TBC1D14: variants seen among roughly 807,000 people sequenced by gnomAD.
TBC1D14 encodes the protein TBC1 domain family member 14, also known as TBC1 domain family, member 14.
Under a neutral mutation model 79.0 loss-of-function variants are expected in TBC1D14, and 26 were observed. The ratio of observed to expected loss-of-function variants is 0.33; its 90% CI spans 0.24 to 0.46. The LOEUF is 0.46. Ranked by LOEUF, TBC1D14 falls within the 20% of genes least tolerant of loss-of-function variation. TBC1D14 has a pLI of 1.00. For synonymous variants in TBC1D14, 394 were observed against 349.9 expected, an observed-to-expected ratio of 1.13 and a Z score of -1.40; for missense variants, 769 against 887.6, an observed-to-expected ratio of 0.87 and a Z score of 1.70.
At chr4:7,016,999 G>C (rs1174178270) in intron 12 of TBC1D14, among the ~76,000 whole-genome samples, 1 of 152,056 alleles carries the variant, frequency 6.6e-6, no homozygotes, top group Non-Finnish European at 1.5e-5. Context: ...GTGTTTTATA[G>C]AGGAAAAAAA....
intron 1 of TBC1D14, among the ~76,000 whole-genome samples, chr4:6,913,638 A>G (rs1379981981): frequency 6.6e-6 from 1 of 152,220 alleles, no homozygotes; most frequent in African/African-American, 2.4e-5. Flanking sequence ...TGCTTGGTGC[A>G]TGCTAAATGC....
At chr4:7,027,504 A>G (rs1299677969) in intron 13 of TBC1D14, among the ~76,000 whole-genome samples, 2 of 130,678 alleles carry the variant, frequency 1.5e-5, no homozygotes, top group African/African-American at 6.4e-5. Flanking sequence ...ACACCCCTAC[A>G]CCTCACACCC....
chr4:6,955,205 A>G (rs771202182), intron 2 of TBC1D14, among the ~76,000 whole-genome samples: 11 of 152,198 alleles, frequency 7.2e-5, no homozygotes, highest in Non-Finnish European at 1.6e-4. Context: ...AGAGGCCCCT[A>G]TGAATGTGTG....
intron 1 of TBC1D14, among the ~76,000 whole-genome samples, 157 bp from the exon 2 acceptor site, chr4:6,923,216 A>T (rs1181865204): frequency 6.6e-6 from 1 of 152,140 alleles, no homozygotes; most frequent in Admixed American, 6.6e-5. Context: ...AACAAAAACC[A>T]CTTCTAGCTT....
chr4:6,942,476 C>T (rs1454048344), intron 2 of TBC1D14, among the ~76,000 whole-genome samples: 1 of 152,224 alleles, frequency 6.6e-6, no homozygotes, highest in Admixed American at 6.5e-5. Flanking sequence ...TTTTGGGCCC[C>T]ACAGCAGTCC....
chr4:6,969,426 G>A (rs1716019927), intron 3 of TBC1D14, among the ~76,000 whole-genome samples: 1 of 150,830 alleles, frequency 6.6e-6, no homozygotes, highest in African/African-American at 2.4e-5. Context: ...TTTTTTTTGA[G>A]ACGGAGTCTC....
At chr4:6,982,783 A>G (rs1267605374) in intron 3 of TBC1D14, among the ~76,000 whole-genome samples, 1 of 152,190 alleles carries the variant, frequency 6.6e-6, no homozygotes, top group Non-Finnish European at 1.5e-5. Context: ...GAAATACTGC[A>G]CCGACCTCAC....
At chr4:7,012,710 A>G (rs1720898379) in intron 11 of TBC1D14, among the ~76,000 whole-genome samples, 1 of 152,266 alleles carries the variant, frequency 6.6e-6, no homozygotes, top group Admixed American at 6.5e-5. Context: ...AATATGCCAC[A>G]GAATTACTAG....
intron 2 of TBC1D14, among the ~76,000 whole-genome samples, chr4:6,955,614 A>G (rs1015390396): frequency 2.6e-4 from 39 of 152,238 alleles, no homozygotes; most frequent in African/African-American, 8.7e-4. Context: ...AGTTGCCAGC[A>G]GTTTCTGTTA....
At position 7,018,979 on chromosome 4, in the gene TBC1D14, A is replaced by G. The variant is rs141788288; in HGVS notation, c.1757+4422A>G. Among the ~76,000 whole-genome samples, 606 of 152,288 alleles carry G rather than the reference A, an allele frequency of 4.0e-3. 6 individuals carry two copies. Among genetic ancestry groups the G allele is most frequent in the African/African-American group, 0.013 (523 of 41,564 alleles). On this transcript the variant is annotated intron_variant, in intron 12 of 13. Coordinates refer to ENST00000409757, the MANE Select transcript of TBC1D14 (RefSeq NM_020773.3). ...GTTAGCGTTTCTGAAATTATGTTTA[A>G]TGATCCTTGGAGATGCTGTCATTGC...
At chr4:6,926,403 G>A (rs1261143967) in intron 2 of TBC1D14, among the ~76,000 whole-genome samples, 1 of 152,284 alleles carries the variant, frequency 6.6e-6, no homozygotes, top group Middle Eastern at 3.4e-3. Context: ...AAGCATCGTT[G>A]GTTATGCAAT....
intron 10 of TBC1D14, among the ~76,000 whole-genome samples, 184 bp downstream of exon 10, chr4:7,010,132 G>A (rs750248244): frequency 1.3e-5 from 2 of 152,208 alleles, no homozygotes; most frequent in African/African-American, 2.4e-5. Context: ...TTGAGCTGTC[G>A]TGGCTGCTCT....
chr4:6,990,544 G>A (rs970046430), intron 3 of TBC1D14, among the ~76,000 whole-genome samples: 1 of 152,190 alleles, frequency 6.6e-6, no homozygotes, highest in African/African-American at 2.4e-5. Context: ...GGATTTTGAC[G>A]AGCACAGCAA....
At chr4:6,993,934 G>C (rs1167319575) in intron 3 of TBC1D14, among the ~76,000 whole-genome samples, 1 of 152,102 alleles carries the variant, frequency 6.6e-6, no homozygotes, top group East Asian at 1.9e-4. Context: ...CGCTTGAACC[G>C]AGGAGGTGGA....
At position 7,030,490 on chromosome 4, in the gene TBC1D14, C is replaced by A. The variant is rs550125715; in HGVS notation, c.*98C>A. 1.4e-4 allele frequency: 181 copies of A among 1,271,766 alleles called. 3 individuals carry two copies. In the South Asian group the frequency reaches 2.1e-3, roughly 15 times the overall value. 78.8% of individuals were successfully genotyped at this position (1,271,766 alleles called of 1,614,324 possible). A position where few individuals can be genotyped will look rare whatever the true frequency, so the allele number is the denominator to read the frequency against. ...CACCCGGGCAGCCGAGAAGAACAGA[C>A]GCTCTTTAAGTTTGATTCCTAACAC... On this transcript the variant is annotated 3_prime_UTR_variant, in exon 14 of 14. Transcript: ENST00000409757.
At chr4:6,930,378 C>T (rs777012065) in intron 2 of TBC1D14, among the ~76,000 whole-genome samples, 15 of 152,126 alleles carry the variant, frequency 9.9e-5, no homozygotes, top group South Asian at 8.3e-4. Context: ...GGCTGGCCAT[C>T]GACAGGGGAG....
chr4:7,025,378 G>C (rs1722256867), intron 13 of TBC1D14, 116 bp downstream of exon 13: 1 of 1,484,542 alleles, frequency 6.7e-7, no homozygotes, highest in East Asian at 2.3e-5. Context: ...GGAGTCCCTG[G>C]GCTGGAACTG....
intron 3 of TBC1D14, among the ~76,000 whole-genome samples, chr4:6,978,907 T>C (rs988586140): frequency 3.3e-5 from 5 of 152,154 alleles, no homozygotes; most frequent in African/African-American, 1.2e-4. Flanking sequence ...TTTAAAAATA[T>C]GTTTGAAAGC....
intron 6 of TBC1D14, 134 bp from the exon 7 acceptor site, chr4:7,001,011 A>G (rs1294179726): frequency 1.5e-6 from 1 of 687,602 alleles, no homozygotes; most frequent in Non-Finnish European, 2.6e-6. Flanking sequence ...CCTGGACTCT[A>G]AGCTTCCTGA....
Sources: gnomAD v4.1 joint callset for allele counts (sites outside exome capture counted in the v4.1 genomes callset) on GRCh38, gnomAD v4.1.1 for gene constraint, MANE v1.5 for transcripts, NCBI Gene and HGNC (gene_info 2026-07-23, HGNC 2026-07-21) for gene names.